CA10: variants seen among roughly 807,000 people sequenced by gnomAD.
CA10 encodes carbonic anhydrase-related protein 10.
Under a neutral mutation model 44.2 loss-of-function variants are expected in CA10, and 14 were observed. That is an observed-to-expected ratio of 0.32 (90% CI 0.21 to 0.50). The LOEUF is 0.50. Ranked by LOEUF, CA10 falls within the 20% of genes least tolerant of loss-of-function variation. The probability of loss-of-function intolerance (pLI) is 0.99; values close to 1 mark genes in which losing one functional copy is unlikely to be tolerated. For missense variants in CA10, 350 were observed against 409.7 expected, an observed-to-expected ratio of 0.85 and a Z score of 1.26; for synonymous variants, 159 against 141.6, an observed-to-expected ratio of 1.12 and a Z score of -0.87.
chr17:51,832,224 G>A (rs1908309651), intron 3 of CA10, among the ~76,000 whole-genome samples: 1 of 152,158 alleles, frequency 6.6e-6, no homozygotes. Context: ...TGTGAAGACT[G>A]AATGCTATAG....
intron 1 of CA10, among the ~76,000 whole-genome samples, chr17:52,136,828 G>A (rs930171194): frequency 6.6e-6 from 1 of 152,164 alleles, no homozygotes; most frequent in Non-Finnish European, 1.5e-5. Flanking sequence ...TATTCCTTGT[G>A]AGACACGATT....
intron 3 of CA10, among the ~76,000 whole-genome samples, chr17:51,858,041 A>T (rs1979131261): frequency 6.6e-6 from 1 of 152,180 alleles, no homozygotes; most frequent in Non-Finnish European, 1.5e-5. Context: ...TAACTGTGAC[A>T]TGCAACTATA....
At chr17:52,057,663 C>G (rs1484004706) in intron 2 of CA10, among the ~76,000 whole-genome samples, 1 of 152,040 alleles carries the variant, frequency 6.6e-6, no homozygotes, top group African/African-American at 2.4e-5. Context: ...TAAAACTCAA[C>G]AGTAACTACA....
chr17:51,818,987 C>T (rs1907669740), intron 3 of CA10, among the ~76,000 whole-genome samples: 1 of 152,116 alleles, frequency 6.6e-6, no homozygotes, highest in South Asian at 2.1e-4. Flanking sequence ...CAAAAGCCTC[C>T]TTTGTACAAT....
intron 3 of CA10, among the ~76,000 whole-genome samples, chr17:51,842,178 G>A (rs1978326457): frequency 6.6e-6 from 1 of 152,190 alleles, no homozygotes; most frequent in South Asian, 2.1e-4. Context: ...ATGAAGAAGA[G>A]AAGGTCAGAT....
chr17:51,711,908 G>A (rs2143493437), intron 4 of CA10, among the ~76,000 whole-genome samples: 1 of 152,316 alleles, frequency 6.6e-6, no homozygotes, highest in South Asian at 2.1e-4. Context: ...AGCGGTGGCT[G>A]TGAGGTGTAA....
rs1982230477 is a variant in CA10, at chr17:51,921,480, C to T, written c.279+9510G>A. Among the ~76,000 whole-genome samples the T allele has an allele frequency of 2.6e-5, 4 of 152,136 alleles. No homozygotes were observed. The South Asian group carries it at 8.3e-4, about 32-fold the overall frequency. Reference sequence around the variant, plus strand: ...TGACTTCTTAAAATATTTTCCTTTCCAATAGATGCATAGACAGAGAAAACT... The same window carrying T: ...TGACTTCTTAAAATATTTTCCTTTCTAATAGATGCATAGACAGAGAAAACT... On this transcript the variant is annotated intron_variant, in intron 3 of 8. Coordinates refer to ENST00000451037, the MANE Select transcript of CA10 (RefSeq NM_020178.5).
chr17:51,846,496 A>G (rs1399736440), intron 3 of CA10, among the ~76,000 whole-genome samples: 1 of 152,216 alleles, frequency 6.6e-6, no homozygotes, highest in Non-Finnish European at 1.5e-5. Context: ...GGAAATCCTC[A>G]TAACAATCTT....
chr17:52,137,594 C>T (rs1989388196), intron 1 of CA10, among the ~76,000 whole-genome samples: 1 of 152,134 alleles, frequency 6.6e-6, no homozygotes, highest in African/African-American at 2.4e-5. Context: ...GAGTCTTACT[C>T]TCTTATTCTC....
At chr17:51,679,465 G>T (rs1222985769) in intron 4 of CA10, among the ~76,000 whole-genome samples, 1 of 151,772 alleles carries the variant, frequency 6.6e-6, no homozygotes, top group Non-Finnish European at 1.5e-5. Flanking sequence ...GTTTCACCGT[G>T]TTAGCCAGGA....
intron 4 of CA10, among the ~76,000 whole-genome samples, chr17:51,722,525 A>C (rs1321279212): frequency 1.3e-5 from 2 of 152,238 alleles, no homozygotes; most frequent in East Asian, 3.8e-4. Context: ...TTTTGCAGTC[A>C]CAGCTCATGT....
At chr17:52,003,579 G>A (rs1985502285) in intron 2 of CA10, among the ~76,000 whole-genome samples, 1 of 151,846 alleles carries the variant, frequency 6.6e-6, no homozygotes, top group Non-Finnish European at 1.5e-5. Flanking sequence ...CTACAATTTT[G>A]AATAGTAGAT....
intron 2 of CA10, among the ~76,000 whole-genome samples, chr17:51,990,041 A>T (rs1042217736): frequency 2.6e-5 from 4 of 152,200 alleles, no homozygotes; most frequent in Admixed American, 1.3e-4. Context: ...GCCTGCTTCC[A>T]GAATCCAGTG....
intron 4 of CA10, among the ~76,000 whole-genome samples, chr17:51,728,781 A>G (rs538917401): frequency 1.8e-4 from 27 of 152,216 alleles, no homozygotes; most frequent in Non-Finnish European, 3.7e-4. Context: ...CCTGCCCACC[A>G]CACTGAAGAG....
intron 4 of CA10, among the ~76,000 whole-genome samples, chr17:51,725,982 A>AT (rs1555591524): frequency 6.6e-6 from 1 of 152,168 alleles, no homozygotes; most frequent in Non-Finnish European, 1.5e-5. Flanking sequence ...AGAGTCATTC[A>AT]CCTGTCGGGG....
intron 4 of CA10, among the ~76,000 whole-genome samples, chr17:51,703,057 G>C (rs1567809524): frequency 6.6e-6 from 1 of 152,134 alleles, no homozygotes; most frequent in Non-Finnish European, 1.5e-5. Flanking sequence ...GTTTAGCAGA[G>C]AAGGAGACTG....
In CA10 at chr17:52,158,019, C is replaced by A; in HGVS notation, c.-233G>T. The A allele has an allele frequency of 1.7e-6, 1 of 584,202 alleles. No individual in the cohort carries two copies. The highest frequency in any genetic ancestry group is 3.1e-6 in the Non-Finnish European group (1 of 325,456). 36.2% of individuals were successfully genotyped at this position (584,202 alleles called of 1,614,324 possible). ...GATGTGCGCCCCAGATGTGCTGACA[C>A]ATGTCCGATGCCTCGCTGCCTTGGA... is the stretch of plus-strand genomic sequence containing the variant. On this transcript the variant is annotated 5_prime_UTR_variant, in exon 1 of 9. The change abolishes an upstream ATG in the 5' untranslated region. Transcript: ENST00000451037.
At chr17:51,678,425 A>G (rs189296264) in intron 4 of CA10, among the ~76,000 whole-genome samples, 2 of 152,360 alleles carry the variant, frequency 1.3e-5, no homozygotes, top group African/African-American at 4.8e-5. Flanking sequence ...TGAAAGGCTG[A>G]GCCTGAATAA....
chr17:51,866,179 A>T (rs539786795), intron 3 of CA10, among the ~76,000 whole-genome samples: 2 of 152,194 alleles, frequency 1.3e-5, no homozygotes, highest in South Asian at 4.1e-4. Flanking sequence ...AGTCTGACTC[A>T]TTCTGGTTAA....
Sources: allele counts gnomAD v4.1 joint callset (sites outside exome capture counted in the v4.1 genomes callset), GRCh38; gene constraint gnomAD v4.1.1; transcripts MANE v1.5; gene names NCBI Gene and HGNC (gene_info 2026-07-23, HGNC 2026-07-21).